RHOT1: variants seen among roughly 807,000 people sequenced by gnomAD.
RHOT1 encodes the protein mitochondrial Rho GTPase 1.
In RHOT1, 27 loss-of-function variants were observed where a neutral mutation model predicts 95.3. The ratio of observed to expected loss-of-function variants is 0.28; its 90% CI spans 0.21 to 0.39. The LOEUF is 0.39. RHOT1 is among the 10% of genes least tolerant of loss of function. The probability of loss-of-function intolerance (pLI) is 1.00; values close to 1 mark genes in which losing one functional copy is unlikely to be tolerated. For synonymous variants in RHOT1, 227 were observed against 263.5 expected (o/e 0.86, Z 1.34); for missense variants, 578 against 786.7 (o/e 0.73, Z 3.17).
chr17:32,174,364 C>T (rs924158045), intron 3 of RHOT1, among the ~76,000 whole-genome samples: 5 of 152,086 alleles, frequency 3.3e-5, no homozygotes, highest in African/African-American at 7.2e-5. Flanking sequence ...AAGGTTGCTA[C>T]TAAAAAATTG....
chr17:32,218,249 G>C (rs2038607376), intron 19 of RHOT1, among the ~76,000 whole-genome samples: 1 of 152,092 alleles, frequency 6.6e-6, no homozygotes, highest in African/African-American at 2.4e-5. Context: ...AGCACTTTGG[G>C]AGGCAGAGGC....
chr17:32,165,358 AAAAAC>A lies in RHOT1; in HGVS notation c.38-5682_38-5678del, dbSNP rs1481364459. On this transcript the variant is annotated intron_variant, in intron 1 of 19. Transcript: ENST00000545287. The stretch of plus-strand genomic sequence containing the variant: ...TCTCAAAAAAAAAAAAAAAAAAAAA[AAAAAC>A]AATACAAAAATTAGCCAGGCATGGT... 1.2e-3 allele frequency among the ~76,000 whole-genome samples: 175 copies of A among 150,358 alleles called. 1 individual carries two copies. The highest frequency in any genetic ancestry group is 4.0e-3 in the African/African-American group (164 of 40,732).
At chr17:32,144,536 G>A (rs1251075839) in intron 1 of RHOT1, among the ~76,000 whole-genome samples, 1 of 151,280 alleles carries the variant, frequency 6.6e-6, no homozygotes, top group Non-Finnish European at 1.5e-5. Context: ...GACTCTGTCT[G>A]AAAAAAAACC....
intron 1 of RHOT1, among the ~76,000 whole-genome samples, chr17:32,154,447 T>C (rs1441614210): frequency 6.8e-6 from 1 of 146,668 alleles, no homozygotes; most frequent in Non-Finnish European, 1.5e-5. Flanking sequence ...ATTAGCCAGG[T>C]GTGGTGGCAG....
intron 19 of RHOT1, among the ~76,000 whole-genome samples, chr17:32,220,098 G>A (rs748111937): frequency 6.6e-6 from 1 of 152,244 alleles, no homozygotes; most frequent in Non-Finnish European, 1.5e-5. Context: ...GAGATAGCCA[G>A]GTTGGGCATG....
chr17:32,158,704 C>T lies in RHOT1; in HGVS notation c.38-12339C>T, dbSNP rs182654561. 4.6e-5 allele frequency among the ~76,000 whole-genome samples: 7 copies of T among 151,866 alleles called. No individual in the cohort carries two copies. The East Asian group carries it at 9.7e-4, about 21-fold the overall frequency. ...TGATCTCTTGACCTCGTGATCCGCC[C>T]ACCTCAGCCTCCCAAAGTGCTGGGA... is the stretch of plus-strand genomic sequence containing the variant. On this transcript the variant is annotated intron_variant, in intron 1 of 19. Coordinates refer to ENST00000545287, the MANE Select transcript of RHOT1 (RefSeq NM_001033566.3).
At chr17:32,148,279 GA>G (rs1244027933) in intron 1 of RHOT1, among the ~76,000 whole-genome samples, 2 of 152,174 alleles carry the variant, frequency 1.3e-5, no homozygotes, top group South Asian at 2.1e-4. Context: ...AAACAAAAAA[GA>G]AAAAGAAAAT....
Position 32,203,078 on chromosome 17 carries a change from T to G in RHOT1, c.1332+178T>G, listed in dbSNP as rs193167517. 1.2e-4 allele frequency among the ~76,000 whole-genome samples: 18 copies of G among 152,308 alleles called. No homozygotes were observed. The East Asian group carries it at 3.3e-3, about 28-fold the overall frequency. The stretch of plus-strand genomic sequence containing the variant: ...TTGAACTGTCTTTGTTTCATTGATA[T>G]TAGCTATCATTTGTCTTTTTTTAAC... On this transcript the variant is annotated intron_variant, in intron 15 of 19. Transcript: ENST00000545287.
At chr17:32,151,341 G>A (rs2032263834) in intron 1 of RHOT1, 1 of 618,790 alleles carries the variant, frequency 1.6e-6, no homozygotes, top group Non-Finnish European at 3.1e-6. Context: ...GAACCTGGGA[G>A]GTTGAGGCTG....
intron 6 of RHOT1, among the ~76,000 whole-genome samples, chr17:32,181,559 TAGTG>T (rs1011984116): frequency 3.3e-5 from 5 of 152,246 alleles, no homozygotes; most frequent in African/African-American, 1.2e-4. Context: ...AAAAATTTGT[TAGTG>T]ATAGTGAAAA....
chr17:32,197,900 T>A (rs576830458), intron 11 of RHOT1, among the ~76,000 whole-genome samples: 11 of 151,722 alleles, frequency 7.3e-5, no homozygotes, highest in African/African-American at 2.7e-4. Flanking sequence ...TTTGTTTTTA[T>A]GTTTGTTTGT....
In RHOT1 at chr17:32,173,947, T is replaced by A. The variant is rs1212040592; in HGVS notation, c.178+35T>A. On this transcript the variant is annotated intron_variant, in intron 3 of 19. Coordinates refer to ENST00000545287, the MANE Select transcript of RHOT1 (RefSeq NM_001033566.3). ...ATCCTCTTGTAGATGAAGGTGTAGGTTAATTTAATAGACTTGAAAAAAGAT... is the reference window on the plus strand; with the variant it reads ...ATCCTCTTGTAGATGAAGGTGTAGGATAATTTAATAGACTTGAAAAAAGAT... The A allele has an allele frequency of 2.1e-6, 3 of 1,397,596 alleles. No homozygotes were observed. In the Admixed American group the frequency reaches 5.6e-5, roughly 26 times the overall value. 86.6% of individuals were successfully genotyped at this position (1,397,596 alleles called of 1,614,324 possible).
rs759231830 is a variant in RHOT1 at position 32,194,120 on chromosome 17, G to GT, written c.869+21dup. The GT allele has an allele frequency of 4.7e-5, 75 of 1,605,096 alleles. 1 individual carries two copies. The highest frequency in any genetic ancestry group is 9.4e-5 in the African/African-American group (7 of 74,252). On this transcript the variant is annotated intron_variant, in intron 11 of 19. Transcript: ENST00000545287. ...ATTTGTTCCCCCTGTATGTACCTTT[G>GT]TTTTTTTTGTTGTTGTTGTTGTTTA... is the stretch of plus-strand genomic sequence containing the variant.
intron 13 of RHOT1, 70 bp downstream of exon 13, chr17:32,199,620 C>T: frequency 7.5e-7 from 1 of 1,334,416 alleles, no homozygotes; most frequent in South Asian, 1.6e-5. Flanking sequence ...TTACATTTGT[C>T]ACTTTGTAAG....
chr17:32,222,928 G>A (rs191716867), intron 19 of RHOT1: 8 of 968,718 alleles, frequency 8.3e-6, no homozygotes, highest in Admixed American at 1.2e-4. Context: ...GGTTGGCCTC[G>A]TTGGAGTTTT....
At chr17:32,171,661 C>A (rs748948342) in intron 2 of RHOT1, among the ~76,000 whole-genome samples, 1 of 152,142 alleles carries the variant, frequency 6.6e-6, no homozygotes, top group Non-Finnish European at 1.5e-5. Flanking sequence ...ATGAGCATTC[C>A]GTGAGTTGAA....
intron 1 of RHOT1, among the ~76,000 whole-genome samples, chr17:32,143,300 T>C (rs375655333): frequency 7.2e-5 from 11 of 152,218 alleles, no homozygotes; most frequent in Non-Finnish European, 1.2e-4. Flanking sequence ...TCTCTATGTA[T>C]TGACATTAAG....
chr17:32,204,726 G>A (rs535611456), intron 16 of RHOT1, among the ~76,000 whole-genome samples: 6 of 151,754 alleles, frequency 4.0e-5, no homozygotes, highest in South Asian at 2.1e-4. Flanking sequence ...GGTGGCTCAC[G>A]CCTGTAATCC....
chr17:32,194,497 TC>T lies in RHOT1; in HGVS notation c.869+392del, dbSNP rs372403679. 1.0e-2 allele frequency among the ~76,000 whole-genome samples: 1,521 copies of T among 152,312 alleles called. 30 individuals are homozygous for T. Among genetic ancestry groups the T allele is most frequent in the African/African-American group, 0.035 (1,437 of 41,560 alleles). ...CACATCCGTAGATGTCAGTGACACT[TC>T]CAGTTGTGACAACCAAAACTGTTGA... On this transcript the variant is annotated intron_variant, in intron 11 of 19. Coordinates refer to ENST00000545287, the MANE Select transcript of RHOT1 (RefSeq NM_001033566.3).
Sources: allele counts gnomAD v4.1 joint callset (sites outside exome capture counted in the v4.1 genomes callset), GRCh38; gene constraint gnomAD v4.1.1; transcripts MANE v1.5; gene names NCBI Gene and HGNC (gene_info 2026-07-23, HGNC 2026-07-21).